LMNB1: variants seen among roughly 807,000 people sequenced by gnomAD.
The protein encoded by LMNB1 is lamin-B1.
In LMNB1, 23 loss-of-function variants were observed where a neutral mutation model predicts 67.1. The observed-to-expected ratio is 0.34, with a 90% CI of 0.25 to 0.49. The LOEUF (loss-of-function observed/expected upper bound fraction) is 0.49, where lower values mean the gene tolerates loss of function less well. Ranked by LOEUF, LMNB1 falls within the 20% of genes least tolerant of loss-of-function variation. The pLI, the probability that LMNB1 is intolerant of heterozygous loss-of-function variation, is 0.99. For missense variants in LMNB1, 634 were observed against 746.5 expected, an observed-to-expected ratio of 0.85 and a Z score of 1.76; for synonymous variants, 281 against 282.9, an observed-to-expected ratio of 0.99 and a Z score of 0.07.
chr5:126,810,504 G>A (rs919776619), intron 4 of LMNB1, among the ~76,000 whole-genome samples, 154 bp downstream of exon 4: 6 of 152,132 alleles, frequency 3.9e-5, no homozygotes, highest in African/African-American at 1.4e-4. Flanking sequence ...TTTCAAAAAA[G>A]TGCAGTTTTC....
At chr5:126,800,978 T>TATAA (rs1751266810) in intron 1 of LMNB1, among the ~76,000 whole-genome samples, 1 of 70,100 alleles carries the variant, frequency 1.4e-5, no homozygotes, top group Non-Finnish European at 3.1e-5. Context: ...TATATATATA[T>TATAA]ATAATTTTTT....
At position 126,814,023 on chromosome 5, in the gene LMNB1, G is replaced by T. The variant is rs1406036711; in HGVS notation, c.939+2125G>T. Among the ~76,000 whole-genome samples the T allele has an allele frequency of 2.0e-5, 3 of 152,074 alleles. No homozygotes were observed. The East Asian group carries it at 5.8e-4, about 29-fold the overall frequency. The stretch of plus-strand genomic sequence containing the variant: ...CAATTCCCCTGCCTTAGCTTCCCTA[G>T]TAGCTGGGATTACCGGCATGCACCA... On this transcript the variant is annotated intron_variant, in intron 5 of 10. Coordinates refer to ENST00000261366, the MANE Select transcript of LMNB1 (RefSeq NM_005573.4).
At chr5:126,784,014 ATTTT>A (rs61578729) in intron 1 of LMNB1, among the ~76,000 whole-genome samples, 13 of 59,434 alleles carry the variant, frequency 2.2e-4, no homozygotes, top group Non-Finnish European at 3.2e-4. Flanking sequence ...CTGTCATTTG[ATTTT>A]TTTTTTTTTT....
chr5:126,819,114 A>G lies in LMNB1; in HGVS notation c.1132A>G (p.Arg378Gly), dbSNP rs1371655534. 2 of 1,614,128 alleles carry G rather than the reference A, an allele frequency of 1.2e-6. No individual in the cohort carries two copies. Among genetic ancestry groups the G allele is most frequent in the Non-Finnish European group, 1.7e-6 (2 of 1,179,986 alleles). The change falls in exon 6 of 11, where the codon AGG (arginine) becomes GGG (glycine). Residue 378 changes from arginine (R) to glycine (G), a missense_variant. Transcript: ENST00000261366. ...CCTGGACATGGAAATCAGTGCTTAC[A>G]GGAAACTCTTAGAAGGCGAAGAAGA... ...LALDMEISAY[R>G]KLLEGEEERL...
intron 1 of LMNB1, among the ~76,000 whole-genome samples, chr5:126,795,546 A>G (rs1455483234): frequency 6.6e-6 from 1 of 152,224 alleles, no homozygotes; most frequent in East Asian, 1.9e-4. Flanking sequence ...GTTATCACCT[A>G]GTAATGATAT....
intron 1 of LMNB1, among the ~76,000 whole-genome samples, chr5:126,787,546 A>ATATATATATATATATATATTTTT: frequency 7.6e-5 from 5 of 65,570 alleles, no homozygotes; most frequent in African/African-American, 2.6e-4. Flanking sequence ...ATATATATAT[A>ATATATATATATATATATATTTTT]TTTTTTTTTT....
intron 1 of LMNB1, among the ~76,000 whole-genome samples, chr5:126,783,009 G>C (rs1336353924): frequency 1.3e-5 from 2 of 151,726 alleles, no homozygotes; most frequent in Non-Finnish European, 2.9e-5. Flanking sequence ...AGACCAGCCT[G>C]ACCAACACTG....
At chr5:126,831,415 T>G (rs773044894) in intron 9 of LMNB1, among the ~76,000 whole-genome samples, 4 of 152,242 alleles carry the variant, frequency 2.6e-5, no homozygotes, top group Non-Finnish European at 5.9e-5. Flanking sequence ...AATCTGTATT[T>G]GACCTTTTTA....
chr5:126,777,449 T>C lies in LMNB1; in HGVS notation c.-60T>C. ...TCGGTCCCCGCTTCGCCCCCTGCCGTCCCCTCCTTATCACGGTCCCGCTCG... is the reference window on the plus strand; with the variant it reads ...TCGGTCCCCGCTTCGCCCCCTGCCGCCCCCTCCTTATCACGGTCCCGCTCG... On this transcript the variant is annotated 5_prime_UTR_variant, in exon 1 of 11. Coordinates refer to ENST00000261366, the MANE Select transcript of LMNB1 (RefSeq NM_005573.4). The C allele has an allele frequency of 7.8e-7, 1 of 1,275,830 alleles. No homozygotes were observed. The highest frequency in any genetic ancestry group is 9.9e-7 in the Non-Finnish European group (1 of 1,014,832). The allele number at this position is 1,275,830 out of a possible 1,614,324, so 79.0% of individuals were successfully genotyped here. A position where few individuals can be genotyped will look rare whatever the true frequency, so the allele number is the denominator to read the frequency against.
At chr5:126,813,573 C>A (rs1751631236) in intron 5 of LMNB1, among the ~76,000 whole-genome samples, 1 of 152,206 alleles carries the variant, frequency 6.6e-6, no homozygotes, top group Non-Finnish European at 1.5e-5. Flanking sequence ...ACAGATATGT[C>A]AGAAATTATT....
chr5:126,814,540 GTT>G (rs202142686), intron 5 of LMNB1, among the ~76,000 whole-genome samples: 6 of 136,648 alleles, frequency 4.4e-5, no homozygotes, highest in Non-Finnish European at 4.8e-5. Context: ...TTGCAAGTTG[GTT>G]TTTTTTTTTT....
intron 1 of LMNB1, among the ~76,000 whole-genome samples, chr5:126,782,998 G>A (rs1056891595): frequency 1.3e-5 from 2 of 151,526 alleles, no homozygotes; most frequent in African/African-American, 2.4e-5. Flanking sequence ...TCAGGAGTTC[G>A]AGACCAGCCT....
chr5:126,811,314 C>T (rs1418501162), intron 4 of LMNB1, among the ~76,000 whole-genome samples: 1 of 152,022 alleles, frequency 6.6e-6, no homozygotes, highest in East Asian at 1.9e-4. Context: ...GTTTTTTTTG[C>T]TTCTGAAAGG....
intron 1 of LMNB1, among the ~76,000 whole-genome samples, chr5:126,801,604 T>C (rs2973893): frequency 0.01 from 1,593 of 152,368 alleles, 32 homozygotes; most frequent in African/African-American, 0.037. Flanking sequence ...AGTTTTGAGC[T>C]ATTTGCATGT....
intron 1 of LMNB1, among the ~76,000 whole-genome samples, chr5:126,789,774 A>G (rs1359234964): frequency 1.3e-5 from 2 of 152,022 alleles, no homozygotes; most frequent in Non-Finnish European, 2.9e-5. Context: ...TCCAGTTTCA[A>G]GTGATTCTCC....
At chr5:126,776,724 G>A (rs1750453949), upstream of LMNB1, 1 of 152,244 alleles carries the variant, frequency 6.6e-6, no homozygotes, top group Non-Finnish European at 1.5e-5. Context: ...CTGAACCGCC[G>A]AGTGTGGGCG....
At chr5:126,778,010 G>A (rs1750517150) in intron 1 of LMNB1, 143 bp downstream of exon 1, 5 of 749,978 alleles carry the variant, frequency 6.7e-6, no homozygotes, top group Non-Finnish European at 7.7e-6. Context: ...CTCGGTCTCC[G>A]GAAAGGAGAA....
Position 126,836,503 on chromosome 5 carries a change from C to T in LMNB1, c.*239C>T, listed in dbSNP as rs1051644. 166,268 of 373,606 alleles carry T rather than the reference C, an allele frequency of 0.45. 38,250 individuals carry two copies. Among genetic ancestry groups the T allele is most frequent in the East Asian group, 0.58 (14,477 of 25,148 alleles). The allele number at this position is 373,606 out of a possible 1,614,324, so 23.1% of individuals were successfully genotyped here. A position where few individuals can be genotyped will look rare whatever the true frequency, so the allele number is the denominator to read the frequency against. On this transcript the variant is annotated 3_prime_UTR_variant, in exon 11 of 11. Coordinates refer to ENST00000261366, the MANE Select transcript of LMNB1 (RefSeq NM_005573.4). ...CTGAACTTAATAACTGTGTACTGTTCGGAAGGGGTTCCTCAAATTTTTTGA... is the reference window on the plus strand; with the variant it reads ...CTGAACTTAATAACTGTGTACTGTTTGGAAGGGGTTCCTCAAATTTTTTGA...
rs546757986 is a variant in LMNB1, at chr5:126,777,662, A to G, written c.154A>G (p.Ser52Gly). 305 of 1,544,762 alleles carry G rather than the reference A, an allele frequency of 2.0e-4. No homozygotes were observed. The highest frequency in any genetic ancestry group is 2.5e-4 in the Non-Finnish European group (289 of 1,144,808). Residue 52 changes from serine to glycine, a missense_variant, in exon 1 of 11, where the codon AGC becomes GGC. Ser to Gly is a moderately conservative substitution (Grantham distance 56, BLOSUM62 0). Coordinates refer to ENST00000261366, the MANE Select transcript of LMNB1 (RefSeq NM_005573.4). ...RLAVYIDKVR[S>G]LETENSALQL... ...GGCGGTGTACATCGACAAGGTGCGCAGCCTGGAGACGGAGAACAGCGCGCT... is the reference window on the plus strand; with the variant it reads ...GGCGGTGTACATCGACAAGGTGCGCGGCCTGGAGACGGAGAACAGCGCGCT...
Sources: gnomAD v4.1 joint callset for allele counts (sites outside exome capture counted in the v4.1 genomes callset) on GRCh38, gnomAD v4.1.1 for gene constraint, MANE v1.5 for transcripts, NCBI Gene and HGNC (gene_info 2026-07-23, HGNC 2026-07-21) for gene names.